Variants in RINL observed in about 807,000 individuals in gnomAD.
The protein encoded by RINL is ras and Rab interactor-like protein.
Under a neutral mutation model 58.1 loss-of-function variants are expected in RINL, and 39 were observed. The ratio of observed to expected loss-of-function variants is 0.67; its 90% CI spans 0.52 to 0.88. The LOEUF is 0.88. Ranked by LOEUF, RINL falls within the 40% of genes least tolerant of loss-of-function variation. RINL has a pLI of 0.00. For synonymous variants in RINL, 286 were observed against 323.1 expected, an observed-to-expected ratio of 0.89 and a Z score of 1.23; for missense variants, 711 against 749.2, an observed-to-expected ratio of 0.95 and a Z score of 0.60.
Position 38,870,636 on chromosome 19 carries a change from C to T in RINL, c.958G>A (p.Asp320Asn). 6.2e-7 allele frequency: 1 copy of T among 1,613,074 alleles called. No homozygotes were observed. Among genetic ancestry groups the T allele is most frequent in the Non-Finnish European group, 8.5e-7 (1 of 1,179,510 alleles). Residue 320 changes from aspartate to asparagine, a missense_variant, in exon 8 of 12, where the codon GAC (aspartate) becomes AAC (asparagine). By Grantham distance (23) the Asp-to-Asn change is conservative. Coordinates refer to ENST00000591812, the MANE Select transcript of RINL (RefSeq NM_001195833.2). This position sits in a 1 kb window ranked among gnomAD's most constrained non-coding sequence, Gnocchi z 5.8. Reference protein sequence around the residue: ...LTDLQDHLAKDSYIRAVFGSR... With the variant: ...LTDLQDHLAKNSYIRAVFGSR... ...CCAAAGACAGCCCTGATGTAGGAGT[C>T]CTTTGCCAGGTGATCCTGGAGGTCA...
intron 1 of RINL, among the ~76,000 whole-genome samples, chr19:38,877,132 C>T (rs1200479132): frequency 6.6e-6 from 1 of 152,144 alleles, no homozygotes; most frequent in Admixed American, 6.6e-5. Context: ...CCAGGCTGGT[C>T]TCAAACTCCT....
rs1176863720 is a variant in RINL, at chr19:38,869,932, C to G, written c.1342+11G>C. 3 of 1,590,318 alleles carry G rather than the reference C, an allele frequency of 1.9e-6. No individual in the cohort carries two copies. Among genetic ancestry groups the G allele is most frequent in the Non-Finnish European group, 2.6e-6 (3 of 1,170,178 alleles). On this transcript the variant is annotated intron_variant, in intron 9 of 11. Transcript: ENST00000591812. The surrounding 1 kb of genome is among the most constrained non-coding windows in gnomAD (Gnocchi z 5.7). ...TCTCCCCACCACGCTAGACGTTGAC[C>G]CCTCCCTTACCTTGGTTCTCGCCTC...
At position 38,873,999 on chromosome 19, in the gene RINL, G is replaced by C. The variant is rs1202159565; in HGVS notation, c.211-11C>G. 1.3e-5 allele frequency: 20 copies of C among 1,487,832 alleles called. No individual in the cohort carries two copies. Among genetic ancestry groups the C allele is most frequent in the Non-Finnish European group, 1.8e-5 (20 of 1,103,188 alleles). The allele number at this position is 1,487,832 out of a possible 1,614,324, so 92.2% of individuals were successfully genotyped here. ...TGTGACCAAGAAACTCTGGGGGATA[G>C]AGACAAAGGCCAGCGTGACAAAGGT... On this transcript the variant is annotated splice_polypyrimidine_tract_variant and intron_variant, in intron 3 of 11. Transcript: ENST00000591812.
rs1972750251 is a variant in RINL at position 38,869,506 on chromosome 19, G to A, written c.1474+67C>T. On this transcript the variant is annotated intron_variant, in intron 10 of 11. Transcript: ENST00000591812. This position sits in a 1 kb window ranked among gnomAD's most constrained non-coding sequence, Gnocchi z 5.7. Reference sequence around the variant, plus strand: ...GCCTGCCGTCCCTCCTGCTGCGGGGGGAGGCTGTTTGGGATCCCGGAGGTA... The same window carrying A: ...GCCTGCCGTCCCTCCTGCTGCGGGGAGAGGCTGTTTGGGATCCCGGAGGTA... 1.3e-6 allele frequency: 2 copies of A among 1,596,864 alleles called. No homozygotes were observed. Among genetic ancestry groups the A allele is most frequent in the Admixed American group, 3.4e-5 (2 of 58,524 alleles).
chr19:38,873,489 TATTC>T (rs1384288441), intron 4 of RINL: 2 of 168,816 alleles, frequency 1.2e-5, no homozygotes, highest in Non-Finnish European at 2.6e-5. Flanking sequence ...GGATTGGAAA[TATTC>T]ATCAGATATT....
chr19:38,871,389 C>T (rs554138388), intron 6 of RINL, 162 bp from the exon 7 acceptor site: 8 of 776,642 alleles, frequency 1.0e-5, no homozygotes, highest in South Asian at 7.3e-5. Flanking sequence ...GCCCCTAGTC[C>T]CCTTCTCACT....
chr19:38,870,139 G>A lies in RINL; in HGVS notation c.1146C>T (p.Ala382=). The A allele has an allele frequency of 1.4e-6, 2 of 1,415,082 alleles. No individual in the cohort carries two copies. The highest frequency in any genetic ancestry group is 2.9e-5 in the East Asian group (1 of 34,214). 87.7% of individuals were successfully genotyped at this position (1,415,082 alleles called of 1,614,324 possible). ...ELRRLRRRQT[A]LRAGAGPPGA... ...CCGGAGGCCCCGCCCCCGCCCGCAG[G>A]GCTGTCTGTCGCCGCCGCAGCCGCC... The change falls in exon 9 of 12, where the codon GCC becomes GCT. Residue 382 remains alanine, a synonymous_variant. Transcript: ENST00000591812. The surrounding 1 kb of genome is among the most constrained non-coding windows in gnomAD (Gnocchi z 5.8).
Sources: allele counts gnomAD v4.1 joint callset (sites outside exome capture counted in the v4.1 genomes callset), GRCh38; gene constraint gnomAD v4.1.1; non-coding constraint Gnocchi (gnomAD v3.1); transcripts MANE v1.5; gene names NCBI Gene and HGNC (gene_info 2026-07-23, HGNC 2026-07-21).